KCNQ1: variants seen among roughly 807,000 people sequenced by gnomAD.
KCNQ1 encodes potassium voltage-gated channel subfamily Q member 1.
KCNQ1 carries 49 observed loss-of-function variants against 72.4 expected under a neutral mutation model. That is an observed-to-expected ratio of 0.68 (90% CI 0.54 to 0.86). The LOEUF is 0.86. KCNQ1 is among the 40% of genes least tolerant of loss of function. The probability of loss-of-function intolerance (pLI) is 0.00; values close to 1 mark genes in which losing one functional copy is unlikely to be tolerated. For synonymous variants in KCNQ1, 450 were observed against 412.6 expected (o/e 1.09, Z -1.10); for missense variants, 790 against 945.1 (o/e 0.84, Z 2.15).
At position 2,508,665 on chromosome 11, in the gene KCNQ1, G is replaced by T. The variant is rs901061172; in HGVS notation, c.387-19263G>T. On this transcript the variant is annotated intron_variant, in intron 1 of 15. Coordinates refer to ENST00000155840, the MANE Select transcript of KCNQ1 (RefSeq NM_000218.3). The surrounding 1 kb of genome is among the most constrained non-coding windows in gnomAD (Gnocchi z 6.2). ...GTGTGGGTGACCCAGATATCCTGTTGTTGCTCAGAGACCCCCAGGGAATCC... is the reference window on the plus strand; with the variant it reads ...GTGTGGGTGACCCAGATATCCTGTTTTTGCTCAGAGACCCCCAGGGAATCC... Among the ~76,000 whole-genome samples the T allele has an allele frequency of 4.6e-5, 7 of 152,160 alleles. No individual in the cohort carries two copies. The highest frequency in any genetic ancestry group is 1.9e-4 in the East Asian group (1 of 5,178).
intron 11 of KCNQ1, chr11:2,699,643 C>CCGCGCCGAAGAACCCCCGGTGAG: frequency 2.7e-6 from 1 of 367,016 alleles, no homozygotes; most frequent in South Asian, 1.4e-4. Context: ...CCCCCGGGGA[C>CCGCGCCGAAGAACCCCCGGTGAG]AACCGCGCCG....
chr11:2,675,043 C>T (rs1484426507), intron 11 of KCNQ1: 4 of 398,484 alleles, frequency 1.0e-5, no homozygotes, highest in African/African-American at 4.1e-5. Context: ...AGGTGGGGGA[C>T]GGGGATGCCA....
rs1850154613 is a variant in KCNQ1, at chr11:2,670,170, G to C, written c.1514+8089G>C. 5.0e-6 allele frequency: 2 copies of C among 398,544 alleles called. No homozygotes were observed. Among genetic ancestry groups the C allele is most frequent in the South Asian group, 2.5e-4 (2 of 7,858 alleles). The allele number at this position is 398,544 out of a possible 1,614,324, so 24.7% of individuals were successfully genotyped here. A position where few individuals can be genotyped will look rare whatever the true frequency, so the allele number is the denominator to read the frequency against. On this transcript the variant is annotated intron_variant, in intron 11 of 15. Coordinates refer to ENST00000155840, the MANE Select transcript of KCNQ1 (RefSeq NM_000218.3). The surrounding 1 kb of genome is among the most constrained non-coding windows in gnomAD (Gnocchi z 4.9). Reference sequence around the variant, plus strand: ...ATCACTGTCGGGCCCATCTGCCAAGGCAAGCACCCACATTAAAGCAGAGTG... The same window carrying C: ...ATCACTGTCGGGCCCATCTGCCAAGCCAAGCACCCACATTAAAGCAGAGTG...
In KCNQ1 at chr11:2,583,515, C is replaced by T. The variant is rs1848536920; in HGVS notation, c.1002C>T (p.Val334=). The T allele has an allele frequency of 6.2e-7, 1 of 1,613,946 alleles. No homozygotes were observed. ...AGACCATCGCCTCCTGCTTCTCTGT[C>T]TTTGCCATCTCCTTCTTTGCGCTCC... ...VGKTIASCFS[V]FAISFFALPA... is the part of the protein sequence containing the mutation. The change falls in exon 7 of 16, where the codon GTC becomes GTT. Residue 334 remains valine, a synonymous_variant. Transcript: ENST00000155840.
intron 1 of KCNQ1, among the ~76,000 whole-genome samples, chr11:2,469,029 C>G (rs1846399254): frequency 6.6e-6 from 1 of 152,196 alleles, no homozygotes; most frequent in Admixed American, 6.5e-5. Flanking sequence ...TGCAGTCCAG[C>G]AGCTCCGTGC....
At chr11:2,805,951 T>C (rs900033328) in intron 15 of KCNQ1, among the ~76,000 whole-genome samples, 5 of 152,232 alleles carry the variant, frequency 3.3e-5, no homozygotes, top group African/African-American at 1.2e-4. Context: ...TTATTTATAA[T>C]AGTGAGAAAT....
In KCNQ1 at chr11:2,752,703, C is replaced by T. The variant is rs972439160; in HGVS notation, c.1515-16141C>T. ...GGCTCTGCCCTCACGGCCGAATCAC[C>T]TCTCAAATGCGCCATCTCCTAACAC... On this transcript the variant is annotated intron_variant, in intron 11 of 15. Transcript: ENST00000155840. This position sits in a 1 kb window ranked among gnomAD's most constrained non-coding sequence, Gnocchi z 5.2. 5.3e-5 allele frequency among the ~76,000 whole-genome samples: 8 copies of T among 152,166 alleles called. No homozygotes were observed. The highest frequency in any genetic ancestry group is 1.0e-4 in the Non-Finnish European group (7 of 68,028).
Position 2,458,631 on chromosome 11 carries a change from G to A in KCNQ1, c.386+13147G>A, listed in dbSNP as rs1219300609. On this transcript the variant is annotated intron_variant, in intron 1 of 15. Coordinates refer to ENST00000155840, the MANE Select transcript of KCNQ1 (RefSeq NM_000218.3). The surrounding 1 kb of genome is among the most constrained non-coding windows in gnomAD (Gnocchi z 4.6). ...GTGCTCCCATCCACAATGCTTCCTT[G>A]CCTGGATGGATGGATGGATGGATGG... is the stretch of plus-strand genomic sequence containing the variant. Among the ~76,000 whole-genome samples, 1 of 142,184 alleles carries A rather than the reference G, an allele frequency of 7.0e-6. No individual in the cohort carries two copies. The highest frequency in any genetic ancestry group is 2.7e-5 in the African/African-American group (1 of 37,384). The allele number at this position is 142,184 out of a possible 152,430, so 93.3% of individuals were successfully genotyped here.
At chr11:2,638,294 T>C (rs1486426565) in intron 10 of KCNQ1, 2 of 152,250 alleles carry the variant, frequency 1.3e-5, no homozygotes, top group Non-Finnish European at 2.9e-5. Context: ...ATTTGTCATG[T>C]TTTTGCAGTG....
intron 2 of KCNQ1, among the ~76,000 whole-genome samples, chr11:2,534,372 G>A (rs547830756): frequency 2.6e-4 from 39 of 152,338 alleles, no homozygotes; most frequent in African/African-American, 8.7e-4. Context: ...CATTTCTGCC[G>A]CTGCCGGGAA....
Position 2,766,851 on chromosome 11 carries a change from C to T in KCNQ1, c.1515-1993C>T, listed in dbSNP as rs957190035. On this transcript the variant is annotated intron_variant, in intron 11 of 15. Transcript: ENST00000155840. The surrounding 1 kb of genome is among the most constrained non-coding windows in gnomAD (Gnocchi z 4.4). ...TTTCTGTATCAGTTACCTATTGTTG[C>T]GTAGCAAACTAGACCTAAATTTAGT... Among the ~76,000 whole-genome samples the T allele has an allele frequency of 2.0e-5, 3 of 152,178 alleles. No homozygotes were observed. The highest frequency in any genetic ancestry group is 1.3e-4 in the Admixed American group (2 of 15,290).
chr11:2,490,590 T>C (rs1846820464), intron 1 of KCNQ1, among the ~76,000 whole-genome samples: 1 of 152,246 alleles, frequency 6.6e-6, no homozygotes, highest in Admixed American at 6.5e-5. Context: ...AGAGAGTCCA[T>C]TTCTTTGGGA....
intron 10 of KCNQ1, chr11:2,648,981 C>CTTTTTTTTTTTTTTTTTTTTTTTTTTCT: frequency 1.4e-5 from 3 of 213,306 alleles, no homozygotes; most frequent in African/African-American, 1.3e-4. Context: ...TTTTCTTTTT[C>CTTTTTTTTTTTTTTTTTTTTTTTTTTCT]TTTTTTTTTT....
In KCNQ1 at chr11:2,562,459, A is replaced by T. The variant is rs941304189; in HGVS notation, c.478-8169A>T. Among the ~76,000 whole-genome samples the T allele has an allele frequency of 6.6e-6, 1 of 152,180 alleles. No individual in the cohort carries two copies. The highest frequency in any genetic ancestry group is 2.4e-5 in the African/African-American group (1 of 41,444). The stretch of plus-strand genomic sequence containing the variant: ...GGCCGGGCCGGTGTGGAGTTGGAAC[A>T]GCTGGCCCCAAAGCCCGCCAGCCGG... On this transcript the variant is annotated intron_variant, in intron 2 of 15. Transcript: ENST00000155840. This position sits in a 1 kb window ranked among gnomAD's most constrained non-coding sequence, Gnocchi z 7.5.
chr11:2,627,182 C>A lies in KCNQ1; in HGVS notation c.1394-34779C>A. The A allele has an allele frequency of 2.5e-6, 1 of 398,386 alleles. No homozygotes were observed. Among genetic ancestry groups the A allele is most frequent in the Non-Finnish European group, 4.4e-6 (1 of 226,006 alleles). 24.7% of individuals were successfully genotyped at this position (398,386 alleles called of 1,614,324 possible). Reference sequence around the variant, plus strand: ...AGTTTGTTATTCTTGATGCTTTTTTCAGCTTTTATTGAGGTATAATTGACA... The same window carrying A: ...AGTTTGTTATTCTTGATGCTTTTTTAAGCTTTTATTGAGGTATAATTGACA... On this transcript the variant is annotated intron_variant, in intron 10 of 15. Transcript: ENST00000155840. The surrounding 1 kb of genome is among the most constrained non-coding windows in gnomAD (Gnocchi z 4.9).
intron 2 of KCNQ1, among the ~76,000 whole-genome samples, chr11:2,539,632 C>T (rs963111953): frequency 6.6e-5 from 10 of 152,312 alleles, no homozygotes; most frequent in Admixed American, 3.9e-4. Context: ...GAAGGGCGGC[C>T]GCGGCTTTCC....
rs1379503927 is a variant in KCNQ1 at position 2,651,881 on chromosome 11, G to T, written c.1394-10080G>T. On this transcript the variant is annotated intron_variant, in intron 10 of 15. Transcript: ENST00000155840. The surrounding 1 kb of genome is among the most constrained non-coding windows in gnomAD (Gnocchi z 6.1). ...TTTCTTGAAGTAGTGTTCAGGCTGA[G>T]GGGGTCATAGCCGAGGGTCCCTCTG... The T allele has an allele frequency of 1.0e-5, 4 of 398,628 alleles. No individual in the cohort carries two copies. Among genetic ancestry groups the T allele is most frequent in the Non-Finnish European group, 1.8e-5 (4 of 226,164 alleles). 24.7% of individuals were successfully genotyped at this position (398,628 alleles called of 1,614,324 possible). A position where few individuals can be genotyped will look rare whatever the true frequency, so the allele number is the denominator to read the frequency against.
chr11:2,777,674 T>G, intron 14 of KCNQ1: 1 of 594,600 alleles, frequency 1.7e-6, no homozygotes, highest in South Asian at 2.0e-5. Flanking sequence ...GGGAGTGGAA[T>G]GGCATGGGCT....
Position 2,674,285 on chromosome 11 carries a change from TTTC to T in KCNQ1, c.1514+12208_1514+12210del, listed in dbSNP as rs898786455. The T allele has an allele frequency of 7.5e-6, 3 of 398,546 alleles. No individual in the cohort carries two copies. In the Admixed American group the frequency reaches 1.3e-4, roughly 18 times the overall value. 24.7% of individuals were successfully genotyped at this position (398,546 alleles called of 1,614,324 possible). ...AGCCCCCGGCACACACACTAGGACC[TTTC>T]TTCATCATGCAGCCGTAGAGCTGGA... On this transcript the variant is annotated intron_variant, in intron 11 of 15. Transcript: ENST00000155840. The surrounding 1 kb of genome is among the most constrained non-coding windows in gnomAD (Gnocchi z 5.9).
Sources: allele counts gnomAD v4.1 joint callset (sites outside exome capture counted in the v4.1 genomes callset), GRCh38; gene constraint gnomAD v4.1.1; non-coding constraint Gnocchi (gnomAD v3.1); transcripts MANE v1.5; gene names NCBI Gene and HGNC (gene_info 2026-07-23, HGNC 2026-07-21).